Variants in ADGRL3 observed in about 807,000 individuals in gnomAD.
The protein encoded by ADGRL3 is adhesion G protein-coupled receptor L3.
ADGRL3 carries 62 observed loss-of-function variants against 153.5 expected under a neutral mutation model. The observed-to-expected ratio is 0.40, with a 90% CI of 0.33 to 0.50. The LOEUF (loss-of-function observed/expected upper bound fraction) is 0.50. ADGRL3 is among the 20% of genes least tolerant of loss of function. ADGRL3 has a pLI of 0.47. For synonymous variants in ADGRL3, 710 were observed against 672.5 expected (o/e 1.06, Z -0.86); for missense variants, 1,641 against 1,859.4 (o/e 0.88, Z 2.16).
intron 11 of ADGRL3, among the ~76,000 whole-genome samples, chr4:61,904,739 T>C (rs532137361): frequency 1.3e-5 from 2 of 152,306 alleles, no homozygotes; most frequent in South Asian, 4.1e-4. Context: ...CATTTTGTTC[T>C]CTATTTGATG....
chr4:61,594,741 AG>A (rs1310479793), intron 5 of ADGRL3, among the ~76,000 whole-genome samples: 8 of 152,230 alleles, frequency 5.3e-5, no homozygotes, highest in African/African-American at 1.9e-4. Flanking sequence ...GACTTGCTCA[AG>A]GCCATTCCCT....
At chr4:62,013,087 C>A (rs1462794846) in intron 21 of ADGRL3, among the ~76,000 whole-genome samples, 2 of 152,068 alleles carry the variant, frequency 1.3e-5, no homozygotes, top group Non-Finnish European at 2.9e-5. Flanking sequence ...AGATTGTTTC[C>A]ATTTTTTCAA....
At chr4:61,822,013 T>C (rs1223493213) in intron 9 of ADGRL3, among the ~76,000 whole-genome samples, 1 of 152,244 alleles carries the variant, frequency 6.6e-6, no homozygotes, top group Admixed American at 6.5e-5. Context: ...TCTGGCATTC[T>C]CCTTGAAGAG....
rs761697537 is a variant in ADGRL3, at chr4:62,031,537, C to T, written c.3518C>T (p.Ala1173Val). The change falls in exon 23 of 27, where the codon GCC (alanine) becomes GTC (valine). Residue 1173 changes from alanine (A) to valine (V), a missense_variant. Ala to Val is a moderately conservative substitution (Grantham distance 64). Coordinates refer to ENST00000683033, the MANE Select transcript of ADGRL3 (RefSeq NM_001387552.1). ...MYINESTVIM[A>V]YLFTIFNSLQ... ...ATTAATGAAAGCACAGTCATCATGGCCTATCTCTTCACCATTTTCAATTCT... is the reference window on the plus strand; with the variant it reads ...ATTAATGAAAGCACAGTCATCATGGTCTATCTCTTCACCATTTTCAATTCT... 1 of 1,610,150 alleles carries T rather than the reference C, an allele frequency of 6.2e-7. No individual in the cohort carries two copies.
chr4:61,314,348 T>A (rs2095128256), intron 1 of ADGRL3, among the ~76,000 whole-genome samples: 1 of 152,080 alleles, frequency 6.6e-6, no homozygotes, highest in South Asian at 2.1e-4. Context: ...TATCTAGGAT[T>A]ACAGGCATGT....
chr4:61,913,002 G>A (rs2098728942), intron 13 of ADGRL3, among the ~76,000 whole-genome samples: 2 of 152,112 alleles, frequency 1.3e-5, no homozygotes, highest in African/African-American at 4.8e-5. Context: ...ATCACCAAGA[G>A]GTGAGTTGGG....
At chr4:61,232,160 T>TA (rs1750919812) in intron 1 of ADGRL3, among the ~76,000 whole-genome samples, 1 of 152,158 alleles carries the variant, frequency 6.6e-6, no homozygotes, top group African/African-American at 2.4e-5. Flanking sequence ...TCATGCTTGT[T>TA]AAAGAGTAAA....
chr4:61,564,234 G>A (rs950222279), intron 4 of ADGRL3, among the ~76,000 whole-genome samples: 6 of 151,692 alleles, frequency 4.0e-5, no homozygotes, highest in African/African-American at 9.7e-5. Context: ...TTTTGCTTTC[G>A]TTTTGGGGGG....
At position 61,413,483 on chromosome 4, in the gene ADGRL3, G is replaced by A. The variant is rs140083536; in HGVS notation, c.-174+30294G>A. On this transcript the variant is annotated intron_variant, in intron 2 of 26. Transcript: ENST00000683033. Reference sequence around the variant, plus strand: ...CCACCTTTTTGGGGGTTGCATAGAGGTGCCGGGGTTATAACCTAGTGGAGA... The same window carrying A: ...CCACCTTTTTGGGGGTTGCATAGAGATGCCGGGGTTATAACCTAGTGGAGA... 3.8e-3 allele frequency among the ~76,000 whole-genome samples: 579 copies of A among 152,238 alleles called. 2 individuals carry two copies. Among genetic ancestry groups the A allele is most frequent in the African/African-American group, 0.013 (555 of 41,542 alleles).
chr4:61,481,065 C>T (rs1366153810), intron 2 of ADGRL3, among the ~76,000 whole-genome samples: 4 of 151,916 alleles, frequency 2.6e-5, no homozygotes, highest in African/African-American at 4.8e-5. Context: ...ATATATTGGC[C>T]GTGGTCATGA....
intron 8 of ADGRL3, among the ~76,000 whole-genome samples, chr4:61,791,596 C>T (rs1057012303): frequency 6.6e-6 from 1 of 152,166 alleles, no homozygotes; most frequent in East Asian, 1.9e-4. Flanking sequence ...GGACAGAGGC[C>T]CTCTTCTCAC....
intron 2 of ADGRL3, among the ~76,000 whole-genome samples, chr4:61,390,259 C>T (rs564947403): frequency 8.5e-5 from 13 of 152,208 alleles, no homozygotes; most frequent in African/African-American, 3.1e-4. Flanking sequence ...CCTGAGCTAG[C>T]AGTAGCCCAG....
At chr4:61,650,605 A>G (rs1034860744) in intron 5 of ADGRL3, among the ~76,000 whole-genome samples, 1 of 151,970 alleles carries the variant, frequency 6.6e-6, no homozygotes, top group Admixed American at 6.6e-5. Flanking sequence ...CTTTAAATAT[A>G]TTTTCTGGGT....
intron 1 of ADGRL3, among the ~76,000 whole-genome samples, chr4:61,317,656 G>A (rs2095254592): frequency 6.6e-6 from 1 of 152,162 alleles, no homozygotes; most frequent in South Asian, 2.1e-4. Context: ...TTAGTGGACA[G>A]CAAGGTAGCT....
At chr4:61,781,140 A>G (rs980828296) in intron 8 of ADGRL3, among the ~76,000 whole-genome samples, 5 of 152,088 alleles carry the variant, frequency 3.3e-5, no homozygotes, top group Admixed American at 3.3e-4. Flanking sequence ...CAGCCTGACC[A>G]ACATGGAGAA....
rs77188989 is a variant in ADGRL3 at position 61,845,531 on chromosome 4, CTT to C, written c.1480+31655_1480+31656del. On this transcript the variant is annotated intron_variant, in intron 9 of 26. Transcript: ENST00000683033. ...ATGCTTACCTAAGTTTAATTTTTTT[CTT>C]TTTTTTTTTTTTGCAGAGACAGCAG... Among the ~76,000 whole-genome samples the C allele has an allele frequency of 1.3e-3, 183 of 139,252 alleles. 1 individual carries two copies. Among genetic ancestry groups the C allele is most frequent in the Non-Finnish European group, 2.2e-3 (143 of 63,576 alleles). 91.4% of individuals were successfully genotyped at this position (139,252 alleles called of 152,430 possible).
intron 1 of ADGRL3, among the ~76,000 whole-genome samples, chr4:61,341,258 A>G (rs2095802580): frequency 6.6e-6 from 1 of 151,988 alleles, no homozygotes; most frequent in African/African-American, 2.4e-5. Flanking sequence ...CATATTTTCA[A>G]AACTTGCTTG....
intron 8 of ADGRL3, among the ~76,000 whole-genome samples, chr4:61,754,036 C>T (rs904677358): frequency 1.3e-5 from 2 of 152,180 alleles, no homozygotes; most frequent in Non-Finnish European, 1.5e-5. Context: ...GGGAAGTGAC[C>T]TTCCTTATTC....
chr4:61,936,277 G>T (rs544882346), intron 15 of ADGRL3, among the ~76,000 whole-genome samples: 1 of 152,070 alleles, frequency 6.6e-6, no homozygotes, highest in South Asian at 2.1e-4. Flanking sequence ...TTACTTTTCA[G>T]TTGTAAGAAA....
Sources: allele counts gnomAD v4.1 joint callset (sites outside exome capture counted in the v4.1 genomes callset), GRCh38; gene constraint gnomAD v4.1.1; transcripts MANE v1.5; gene names NCBI Gene and HGNC (gene_info 2026-07-23, HGNC 2026-07-21).